The following BLTP3B variants were observed in gnomAD, a reference collection of about 807,000 sequenced individuals.
The protein encoded by BLTP3B is bridge-like lipid transfer protein family member 3B.
the BLTP3B span, chr12:100,098,681 C>CCCTGG: frequency 1.3e-6 from 1 of 777,870 alleles, no homozygotes; most frequent in Non-Finnish European, 1.9e-6. Context: ...GCAGGCAGAT[C>CCCTGG]ACTTGAGGCC....
chr12:100,044,359 G>T, the BLTP3B span, among the ~76,000 whole-genome samples: 1 of 152,132 alleles, frequency 6.6e-6, no homozygotes, highest in Non-Finnish European at 1.5e-5. Context: ...CTGTAGCACT[G>T]TTAATGACTT....
chr12:100,048,403 T>C, the BLTP3B span, among the ~76,000 whole-genome samples: 1 of 152,022 alleles, frequency 6.6e-6, no homozygotes. Flanking sequence ...TTTTTCTGTA[T>C]TTTCTGTTTT....
the BLTP3B span, among the ~76,000 whole-genome samples, chr12:100,138,756 T>C: frequency 6.6e-6 from 1 of 152,202 alleles, no homozygotes; most frequent in East Asian, 1.9e-4. Context: ...AGTGTCTGTA[T>C]CCAAAACTTC....
the BLTP3B span, among the ~76,000 whole-genome samples, chr12:100,142,353 G>C: frequency 1.3e-5 from 2 of 152,132 alleles, no homozygotes; most frequent in African/African-American, 2.4e-5. Flanking sequence ...CGCACTCCGG[G>C]CTCCTCCGCG....
chr12:100,037,735 A>T, the BLTP3B span: 1 of 1,603,080 alleles, frequency 6.2e-7, no homozygotes, highest in South Asian at 1.1e-5. Context: ...CCTGTTTAAG[A>T]GATTCATTCT....
the BLTP3B span, chr12:100,108,647 G>T: frequency 1.0e-6 from 1 of 968,418 alleles, no homozygotes. Context: ...TAATAGGAGT[G>T]GACACAACAT....
chr12:100,137,992 A>G, the BLTP3B span, among the ~76,000 whole-genome samples: 1 of 152,178 alleles, frequency 6.6e-6, no homozygotes, highest in Admixed American at 6.5e-5. Context: ...CTGACAGGAG[A>G]GATCAAAGAC....
the BLTP3B span, among the ~76,000 whole-genome samples, chr12:100,070,928 G>A: frequency 6.6e-6 from 1 of 152,116 alleles, no homozygotes; most frequent in Non-Finnish European, 1.5e-5. Flanking sequence ...GGTAGGCAGA[G>A]GTTGCAGTGA....
the BLTP3B span, chr12:100,128,433 C>G: frequency 5.8e-6 from 3 of 518,022 alleles, no homozygotes; most frequent in Non-Finnish European, 7.9e-6. Context: ...ATTACATGAG[C>G]CTCTAGCTAC....
At chr12:100,131,629 G>A in the BLTP3B span, among the ~76,000 whole-genome samples, 1 of 152,126 alleles carries the variant, frequency 6.6e-6, no homozygotes, top group Admixed American at 6.5e-5. Flanking sequence ...TGAATATAAT[G>A]TCTGAAAAAC....
the BLTP3B span, among the ~76,000 whole-genome samples, chr12:100,109,205 TC>T: frequency 7.5e-6 from 1 of 133,710 alleles, no homozygotes; most frequent in African/African-American, 3.0e-5. Context: ...TCTCTCTCTC[TC>T]TCTCTCTCCT....
the BLTP3B span, among the ~76,000 whole-genome samples, chr12:100,094,540 T>G: frequency 6.6e-5 from 10 of 152,114 alleles, no homozygotes; most frequent in Admixed American, 4.6e-4. Flanking sequence ...AGGCAGGCAA[T>G]AGATAATGCC....
the BLTP3B span, among the ~76,000 whole-genome samples, chr12:100,109,788 T>A: frequency 6.6e-6 from 1 of 150,886 alleles, no homozygotes; most frequent in Non-Finnish European, 1.5e-5. Context: ...AAAAAAAGAT[T>A]GGAAATAGTT....
chr12:100,076,913 C>G, the BLTP3B span, among the ~76,000 whole-genome samples: 2 of 152,082 alleles, frequency 1.3e-5, no homozygotes, highest in African/African-American at 4.8e-5. Flanking sequence ...TGTTCTTCTA[C>G]TTACTTTTGT....
chr12:100,109,614 A>C, the BLTP3B span, among the ~76,000 whole-genome samples: 1 of 151,980 alleles, frequency 6.6e-6, no homozygotes, highest in East Asian at 1.9e-4. Flanking sequence ...AAATACAAAA[A>C]TATTAGCTGG....
chr12:100,109,159 C>CCTCTCT, the BLTP3B span, among the ~76,000 whole-genome samples: 41 of 65,368 alleles, frequency 6.3e-4, 1 homozygote, highest in East Asian at 3.3e-3. Context: ...TGGCAGTTTT[C>CCTCTCT]CTCTCTCTCT....
At chr12:100,051,320 C>A in the BLTP3B span, 1 of 1,063,540 alleles carries the variant, frequency 9.4e-7, no homozygotes, top group Non-Finnish European at 1.3e-6. Context: ...CCCTTCAACT[C>A]TTTCTCAAGC....
chr12:100,105,862 G>C, the BLTP3B span, among the ~76,000 whole-genome samples: 1 of 151,172 alleles, frequency 6.6e-6, no homozygotes, highest in African/African-American at 2.4e-5. Context: ...AAATCAGCAA[G>C]AAAAAAAACA....
At chr12:100,111,032 AT>A in the BLTP3B span, among the ~76,000 whole-genome samples, 1 of 152,196 alleles carries the variant, frequency 6.6e-6, no homozygotes, top group East Asian at 1.9e-4. Flanking sequence ...CATTTCAAGG[AT>A]ATCTACAAGA....
Sources: gnomAD v4.1 joint callset for allele counts (sites outside exome capture counted in the v4.1 genomes callset) on GRCh38, gnomAD v4.1.1 for gene constraint, MANE v1.5 for transcripts, NCBI Gene and HGNC (gene_info 2026-07-23, HGNC 2026-07-21) for gene names.